Variants in ZNF366 observed in about 807,000 individuals in gnomAD.
ZNF366 encodes the protein dendritic cell-specific transcript protein.
In ZNF366, 20 loss-of-function variants were observed where a neutral mutation model predicts 47.2. The observed-to-expected ratio is 0.42, with a 90% confidence interval of 0.30 to 0.62. The LOEUF (loss-of-function observed/expected upper bound fraction) is 0.62. Among genes scored for constraint, ZNF366 ranks in the 20% least tolerant of loss-of-function variants. The pLI, the probability that ZNF366 is intolerant of heterozygous loss-of-function variation, is 0.16. For synonymous variants in ZNF366, 421 were observed against 395.1 expected, an observed-to-expected ratio of 1.07 and a Z score of -0.78; for missense variants, 987 against 976.3, an observed-to-expected ratio of 1.01 and a Z score of -0.15.
intron 1 of ZNF366, among the ~76,000 whole-genome samples, chr5:72,479,793 T>C (rs550053540): frequency 1.2e-4 from 18 of 152,226 alleles, no homozygotes; most frequent in Non-Finnish European, 2.4e-4. Context: ...CAAGCATGTG[T>C]AATCTCTATA....
chr5:72,494,781 T>C (rs1744079569), intron 1 of ZNF366, among the ~76,000 whole-genome samples: 1 of 152,132 alleles, frequency 6.6e-6, no homozygotes, highest in Admixed American at 6.5e-5. Context: ...GTGTTTGGTT[T>C]GGTTTCGTTT....
At chr5:72,487,557 C>T (rs2112348824) in intron 1 of ZNF366, among the ~76,000 whole-genome samples, 1 of 152,288 alleles carries the variant, frequency 6.6e-6, no homozygotes, top group Admixed American at 6.5e-5. Flanking sequence ...CTCCCTCCTC[C>T]TCTTTTCCTT....
chr5:72,494,377 C>G (rs1744071460), intron 1 of ZNF366: 2 of 152,190 alleles, frequency 1.3e-5, no homozygotes, highest in Admixed American at 1.3e-4. Context: ...TGGAGGGCCT[C>G]TTGTCCTAGA....
intron 1 of ZNF366, among the ~76,000 whole-genome samples, chr5:72,486,434 T>A (rs1424590770): frequency 6.6e-6 from 1 of 152,132 alleles, no homozygotes; most frequent in African/African-American, 2.4e-5. Context: ...AAGGAAACAG[T>A]TTGGATTCAG....
chr5:72,487,429 C>G (rs1743913357), intron 1 of ZNF366, among the ~76,000 whole-genome samples: 1 of 152,106 alleles, frequency 6.6e-6, no homozygotes, highest in African/African-American at 2.4e-5. Context: ...AATGTGGTTC[C>G]CTAACAACTA....
rs1743309679 is a variant in ZNF366 at position 72,461,383 on chromosome 5, A to T, written c.114T>A (p.Ala38=). The change falls in exon 2 of 5, where the codon GCT becomes GCA. Residue 38 remains alanine (A), a synonymous_variant. Coordinates refer to ENST00000318442, the MANE Select transcript of ZNF366 (RefSeq NM_152625.3). The part of the protein sequence containing the change: ...CLQPVASRGK[A]PQRHPFPEAL... The stretch of plus-strand genomic sequence containing the variant: ...CTTCCGGGAAGGGGTGTCTTTGGGG[A>T]GCCTTTCCCCGAGAAGCCACTGGCT... 2 of 1,613,732 alleles carry T rather than the reference A, an allele frequency of 1.2e-6. No homozygotes were observed. The highest frequency in any genetic ancestry group is 4.5e-5 in the East Asian group (2 of 44,838).
At position 72,460,383 on chromosome 5, in the gene ZNF366, G is replaced by A; in HGVS notation, c.1114C>T (p.Leu372Phe). ...AGCTGGGCCAAGGTGGGGAAGTCGA[G>A]GCCGCACTCCACACAGATGTTCTCG... ...GRENICVECG[L>F]DFPTLAQLKR... Residue 372 changes from leucine (L) to phenylalanine (F), a missense_variant, in exon 2 of 5, where the codon CTC (leucine) becomes TTC (phenylalanine). Coordinates refer to ENST00000318442, the MANE Select transcript of ZNF366 (RefSeq NM_152625.3). The A allele has an allele frequency of 1.2e-6, 2 of 1,614,238 alleles. No individual in the cohort carries two copies. Among genetic ancestry groups the A allele is most frequent in the Non-Finnish European group, 1.7e-6 (2 of 1,180,034 alleles).
At chr5:72,448,616 A>G (rs1025879483) in intron 3 of ZNF366, among the ~76,000 whole-genome samples, 1 of 152,196 alleles carries the variant, frequency 6.6e-6, no homozygotes, top group African/African-American at 2.4e-5. Context: ...GGGCTGCACT[A>G]TGTAGTGAGA....
intron 1 of ZNF366, among the ~76,000 whole-genome samples, chr5:72,478,410 A>C (rs1023030697): frequency 3.9e-5 from 6 of 152,178 alleles, no homozygotes; most frequent in African/African-American, 7.2e-5. Flanking sequence ...CATTTTATGG[A>C]TGAGAAATCA....
At chr5:72,487,360 T>C (rs1425692671) in intron 1 of ZNF366, among the ~76,000 whole-genome samples, 2 of 152,194 alleles carry the variant, frequency 1.3e-5, no homozygotes, top group African/African-American at 4.8e-5. Context: ...AAAACCTGCT[T>C]TGCTCTAAAC....
At chr5:72,500,828 G>T (rs1012117753) in intron 1 of ZNF366, among the ~76,000 whole-genome samples, 2 of 152,200 alleles carry the variant, frequency 1.3e-5, no homozygotes, top group Non-Finnish European at 2.9e-5. Flanking sequence ...CTGCAGTGGA[G>T]CTGGGATTTA....
intron 3 of ZNF366, among the ~76,000 whole-genome samples, chr5:72,450,753 C>T (rs1234128898): frequency 6.6e-6 from 1 of 152,200 alleles, no homozygotes; most frequent in Non-Finnish European, 1.5e-5. Context: ...ATCCAGAACA[C>T]TTGGCCTTCT....
chr5:72,447,064 G>C (rs1331642218), intron 4 of ZNF366, among the ~76,000 whole-genome samples, 179 bp downstream of exon 4: 1 of 152,156 alleles, frequency 6.6e-6, no homozygotes, highest in African/African-American at 2.4e-5. Flanking sequence ...TAATTCACTT[G>C]TACTTACTAT....
At chr5:72,462,547 C>CTTTCTTTCTTTCTTTCTTCCT (rs11275151) in intron 1 of ZNF366, among the ~76,000 whole-genome samples, 2 of 78,916 alleles carry the variant, frequency 2.5e-5, no homozygotes, top group Admixed American at 1.4e-4. Flanking sequence ...TTCTTTCTTT[C>CTTTCTTTCTTTCTTTCTTCCT]TTTTTTTTTT....
At chr5:72,449,101 T>C (rs889448756) in intron 3 of ZNF366, among the ~76,000 whole-genome samples, 1 of 152,214 alleles carries the variant, frequency 6.6e-6, no homozygotes, top group Non-Finnish European at 1.5e-5. Flanking sequence ...AAAAGCAATA[T>C]GTAAGATAGA....
In ZNF366 at chr5:72,494,774, T is replaced by G. The variant is rs115206490; in HGVS notation, c.-15+12477A>C. Among the ~76,000 whole-genome samples the G allele has an allele frequency of 5.7e-3, 868 of 152,138 alleles. 5 individuals are homozygous for G. Among genetic ancestry groups the G allele is most frequent in the Non-Finnish European group, 9.1e-3 (620 of 68,006 alleles). The stretch of plus-strand genomic sequence containing the variant: ...GCACATATCATGGTAATTAGAGGTG[T>G]TTGGTTTGGTTTCGTTTGATTTGAA... On this transcript the variant is annotated intron_variant, in intron 1 of 4. Coordinates refer to ENST00000318442, the MANE Select transcript of ZNF366 (RefSeq NM_152625.3).
chr5:72,447,255 G>A lies in ZNF366; in HGVS notation c.1687C>T (p.Leu563Phe). 1.9e-6 allele frequency: 3 copies of A among 1,614,160 alleles called. No individual in the cohort carries two copies. Among genetic ancestry groups the A allele is most frequent in the Non-Finnish European group, 2.5e-6 (3 of 1,180,020 alleles). Residue 563 changes from leucine (L) to phenylalanine (F), a missense_variant, in exon 4 of 5, where the codon CTT becomes TTT. By Grantham distance (22) the Leu-to-Phe change is conservative. Coordinates refer to ENST00000318442, the MANE Select transcript of ZNF366 (RefSeq NM_152625.3). Reference sequence around the variant, plus strand: ...GAAGAGTGATTACCTTGGGAATGAAGGCCCCGCTCCATGACTCCATGCTTG... The same window carrying A: ...GAAGAGTGATTACCTTGGGAATGAAAGCCCCGCTCCATGACTCCATGCTTG... ...KVKHGVMERGLHSQGLGRGRI... is the reference protein window; with the variant it reads ...KVKHGVMERGFHSQGLGRGRI...
Position 72,480,258 on chromosome 5 carries a change from G to A in ZNF366, c.-14-18748C>T, listed in dbSNP as rs115527592. On this transcript the variant is annotated intron_variant, in intron 1 of 4. Coordinates refer to ENST00000318442, the MANE Select transcript of ZNF366 (RefSeq NM_152625.3). ...GAGGGAAAGCCAATTAAGACACTGA[G>A]GGGCCTATTCTGAGAGACTGGATGC... Among the ~76,000 whole-genome samples the A allele has an allele frequency of 7.1e-3, 1,081 of 152,324 alleles. 9 individuals carry two copies. The highest frequency in any genetic ancestry group is 7.7e-3 in the Non-Finnish European group (521 of 68,022).
At chr5:72,457,083 GTAAATTACAACT>G (rs1382423256) in intron 2 of ZNF366, among the ~76,000 whole-genome samples, 2 of 152,146 alleles carry the variant, frequency 1.3e-5, no homozygotes, top group Non-Finnish European at 2.9e-5. Context: ...CCACACTGCA[GTAAATTACAACT>G]TAAATTACAA....
Sources: allele counts gnomAD v4.1 joint callset (sites outside exome capture counted in the v4.1 genomes callset), GRCh38; gene constraint gnomAD v4.1.1; transcripts MANE v1.5; gene names NCBI Gene and HGNC (gene_info 2026-07-23, HGNC 2026-07-21).